The following PDPN variants were observed in gnomAD, a reference collection of about 807,000 sequenced individuals.
PDPN encodes podoplanin, also known as PA2.26 antigen.
PDPN carries 12 observed loss-of-function variants against 23.2 expected under a neutral mutation model. The ratio of observed to expected loss-of-function variants is 0.52; its 90% CI spans 0.33 to 0.84. PDPN has a LOEUF of 0.84. Among genes scored for constraint, PDPN ranks in the 40% least tolerant of loss-of-function variants. PDPN has a pLI of 0.02. For synonymous variants in PDPN, 77 were observed against 76.7 expected (o/e 1.00, Z -0.02); for missense variants, 199 against 212.2 (o/e 0.94, Z 0.39).
Position 13,616,248 on chromosome 1 carries a change from A to G in PDPN, c.*337A>G. 1 of 349,012 alleles carries G rather than the reference A, an allele frequency of 2.9e-6. No individual in the cohort carries two copies. The highest frequency in any genetic ancestry group is 5.3e-6 in the Non-Finnish European group (1 of 190,168). 21.6% of individuals were successfully genotyped at this position (349,012 alleles called of 1,614,324 possible). A position where few individuals can be genotyped will look rare whatever the true frequency, so the allele number is the denominator to read the frequency against. The stretch of plus-strand genomic sequence containing the variant: ...TGGATCGATATTATATGCTGTAACC[A>G]TGTGTCTCCGTCTGACCATTCTTGT... On this transcript the variant is annotated 3_prime_UTR_variant, in exon 6 of 6. Coordinates refer to ENST00000621990, the MANE Select transcript of PDPN (RefSeq NM_006474.5).
chr1:13,609,711 C>G (rs909163585), intron 2 of PDPN, among the ~76,000 whole-genome samples: 3 of 152,198 alleles, frequency 2.0e-5, no homozygotes, highest in Non-Finnish European at 2.9e-5. Flanking sequence ...GTTTATTTCA[C>G]TTAGCATAAT....
At chr1:13,595,102 C>G (rs768966558) in intron 1 of PDPN, among the ~76,000 whole-genome samples, 1 of 151,926 alleles carries the variant, frequency 6.6e-6, no homozygotes, top group Non-Finnish European at 1.5e-5. Context: ...TATTAAAACA[C>G]CTCGTGGATT....
chr1:13,591,900 T>C (rs1163476949), intron 1 of PDPN, among the ~76,000 whole-genome samples: 2 of 152,214 alleles, frequency 1.3e-5, no homozygotes, highest in African/African-American at 4.8e-5. Context: ...TTTTCCAAAG[T>C]GGCTGCACCA....
intron 2 of PDPN, among the ~76,000 whole-genome samples, 165 bp from the exon 3 acceptor site, chr1:13,610,222 G>A (rs772585829): frequency 2.0e-4 from 30 of 152,110 alleles, no homozygotes; most frequent in Non-Finnish European, 3.4e-4. Flanking sequence ...GTGTACAACC[G>A]TCTCTTCAAG....
chr1:13,595,879 A>T, intron 1 of PDPN: 1 of 1,288,478 alleles, frequency 7.8e-7, no homozygotes, highest in Non-Finnish European at 1.0e-6. Context: ...CGGCAGGGAC[A>T]TCATAAATAC....
At chr1:13,607,905 G>A (rs964758726) in intron 2 of PDPN, among the ~76,000 whole-genome samples, 1 of 152,156 alleles carries the variant, frequency 6.6e-6, no homozygotes, top group Non-Finnish European at 1.5e-5. Flanking sequence ...AGGAGTTCGA[G>A]ATCAGCCTGA....
At chr1:13,612,872 G>T (rs1389619376) in intron 3 of PDPN, among the ~76,000 whole-genome samples, 1 of 88,336 alleles carries the variant, frequency 1.1e-5, no homozygotes, top group African/African-American at 4.4e-5. Flanking sequence ...GGCAGGGCCT[G>T]ATTGATGATT....
intron 1 of PDPN, among the ~76,000 whole-genome samples, chr1:13,589,630 C>T (rs1261027): frequency 6.6e-6 from 1 of 151,928 alleles, no homozygotes; most frequent in Admixed American, 6.6e-5. Context: ...CACACAGACA[C>T]GGAGCTTGTA....
intron 2 of PDPN, among the ~76,000 whole-genome samples, chr1:13,609,417 C>T (rs1178748328): frequency 2.0e-5 from 3 of 152,102 alleles, no homozygotes; most frequent in Admixed American, 2.0e-4. Context: ...AGGAGGTGCT[C>T]ATTAGCATAT....
intron 1 of PDPN, among the ~76,000 whole-genome samples, chr1:13,593,151 T>A (rs914454553): frequency 1.3e-5 from 2 of 152,162 alleles, no homozygotes; most frequent in African/African-American, 4.8e-5. Context: ...AGTAAACATT[T>A]GGCAGGAAGA....
chr1:13,613,571 TC>T (rs1208853720), intron 3 of PDPN, 115 bp from the exon 4 acceptor site: 4 of 665,324 alleles, frequency 6.0e-6, no homozygotes, highest in Non-Finnish European at 1.1e-5. Flanking sequence ...TAAGAAGCCA[TC>T]CTCTTGGTTT....
chr1:13,588,407 G>A (rs968434016), intron 1 of PDPN, among the ~76,000 whole-genome samples: 5 of 151,788 alleles, frequency 3.3e-5, no homozygotes, highest in South Asian at 2.1e-4. Flanking sequence ...GTCTCCATCC[G>A]GGAGAACAGA....
At chr1:13,584,482 G>C (rs931915628) in intron 1 of PDPN, 44 of 589,382 alleles carry the variant, frequency 7.5e-5, no homozygotes, top group Non-Finnish European at 1.2e-4. Context: ...GAATACGCAC[G>C]CCTCGGGAGA....
chr1:13,604,828 C>T (rs971252945), intron 1 of PDPN, among the ~76,000 whole-genome samples: 1 of 152,186 alleles, frequency 6.6e-6, no homozygotes, highest in Non-Finnish European at 1.5e-5. Context: ...ACACAGTAAG[C>T]GTTTGCCTAC....
intron 1 of PDPN, among the ~76,000 whole-genome samples, chr1:13,593,771 C>T (rs1047804561): frequency 1.3e-5 from 2 of 152,186 alleles, no homozygotes; most frequent in Admixed American, 1.3e-4. Flanking sequence ...AAGTGCTTCC[C>T]AAACACACCC....
chr1:13,591,953 C>T (rs1291364719), intron 1 of PDPN, among the ~76,000 whole-genome samples: 1 of 152,242 alleles, frequency 6.6e-6, no homozygotes, highest in Non-Finnish European at 1.5e-5. Flanking sequence ...GGTTTCTCCA[C>T]ATCCCCACCA....
Position 13,607,211 on chromosome 1 carries a change from G to A in PDPN, c.106G>A (p.Gly36Ser), listed in dbSNP as rs1359482222. The A allele has an allele frequency of 1.9e-6, 3 of 1,614,036 alleles. No individual in the cohort carries two copies. In the Admixed American group the frequency reaches 5.0e-5, roughly 27 times the overall value. Residue 36 changes from glycine (G) to serine (S), a missense_variant, in exon 2 of 6, where the codon GGT (glycine) becomes AGT (serine). Physicochemically the swap from Gly to Ser is moderately conservative, Grantham distance 56. Transcript: ENST00000621990. ...GQPEDDTETT[G>S]LEGGVAMPGA... ...GCCAGAAGATGACACTGAGACTACA[G>A]GTTTGGAAGGCGGCGTTGCCATGCC...
intron 1 of PDPN, among the ~76,000 whole-genome samples, chr1:13,601,574 C>T (rs1305857386): frequency 1.3e-5 from 2 of 152,162 alleles, no homozygotes; most frequent in Non-Finnish European, 2.9e-5. Context: ...TCAGGATGGT[C>T]TCAAACTCCT....
At chr1:13,614,273 C>G (rs778394046) in intron 4 of PDPN, 27 bp from the exon 5 acceptor site, 1 of 1,237,478 alleles carries the variant, frequency 8.1e-7, no homozygotes, top group Non-Finnish European at 1.2e-6. Context: ...CTCTGGGGCT[C>G]ATGCTTTTTT....
Sources: gnomAD v4.1 joint callset for allele counts (sites outside exome capture counted in the v4.1 genomes callset) on GRCh38, gnomAD v4.1.1 for gene constraint, MANE v1.5 for transcripts, NCBI Gene and HGNC (gene_info 2026-07-23, HGNC 2026-07-21) for gene names.